The following RABGEF1 variants were observed in gnomAD, a reference collection of about 807,000 sequenced individuals.
RABGEF1 encodes the protein RAB guanine nucleotide exchange factor 1.
In RABGEF1, 26 loss-of-function variants were observed where a neutral mutation model predicts 57.3. That is an observed-to-expected ratio of 0.45 (90% CI 0.33 to 0.63). The LOEUF is 0.63. Among genes scored for constraint, RABGEF1 ranks in the 20% least tolerant of loss-of-function variants. RABGEF1 has a pLI of 0.02. For synonymous variants in RABGEF1, 185 were observed against 210.7 expected (o/e 0.88, Z 1.06); for missense variants, 464 against 607.6 (o/e 0.76, Z 2.48).
At chr7:66,691,420 A>G (rs1791496554) in intron 1 of RABGEF1, among the ~76,000 whole-genome samples, 3 of 152,224 alleles carry the variant, frequency 2.0e-5, no homozygotes, top group East Asian at 1.9e-4. Flanking sequence ...GTATATCCAT[A>G]TAGTGGGATA....
chr7:66,787,714 G>A (rs1468600299), intron 4 of RABGEF1, among the ~76,000 whole-genome samples: 1 of 152,158 alleles, frequency 6.6e-6, no homozygotes, highest in South Asian at 2.1e-4. Flanking sequence ...GGATTCAGGA[G>A]TATATATAGT....
At chr7:66,753,110 G>C (rs1179287580) in intron 1 of RABGEF1, among the ~76,000 whole-genome samples, 1 of 152,230 alleles carries the variant, frequency 6.6e-6, no homozygotes, top group African/African-American at 2.4e-5. Context: ...TACCCTGTCA[G>C]TGGGGAAGTT....
intron 1 of RABGEF1, among the ~76,000 whole-genome samples, chr7:66,758,066 A>G (rs1422890876): frequency 6.6e-6 from 1 of 152,188 alleles, no homozygotes; most frequent in Non-Finnish European, 1.5e-5. Flanking sequence ...TCGTTTTACT[A>G]GAATTGATTG....
chr7:66,711,760 G>A (rs568193783), intron 1 of RABGEF1, among the ~76,000 whole-genome samples: 18 of 152,016 alleles, frequency 1.2e-4, no homozygotes, highest in African/African-American at 4.3e-4. Flanking sequence ...CTAATTTTTT[G>A]TATTTTTAGT....
intron 7 of RABGEF1, among the ~76,000 whole-genome samples, chr7:66,800,041 CT>C (rs1431097085): frequency 6.6e-6 from 1 of 152,022 alleles, no homozygotes; most frequent in Non-Finnish European, 1.5e-5. Context: ...AAAAAAAAAT[CT>C]TAATGGAGAG....
chr7:66,661,854 A>T, the RABGEF1 span, among the ~76,000 whole-genome samples: 1 of 152,226 alleles, frequency 6.6e-6, no homozygotes, highest in Non-Finnish European at 1.5e-5. Flanking sequence ...AACATTGGTT[A>T]AAAAATTCTT....
At chr7:66,795,655 G>C (rs1813855473) in intron 5 of RABGEF1, 63 bp downstream of exon 5, 2 of 1,432,590 alleles carry the variant, frequency 1.4e-6, no homozygotes, top group Non-Finnish European at 2.0e-6. Flanking sequence ...CAGTCTCTTA[G>C]CAATTTCTTT....
upstream of RABGEF1, among the ~76,000 whole-genome samples, chr7:66,738,015 T>G (rs1009160961): frequency 1.5e-4 from 19 of 128,312 alleles, no homozygotes; most frequent in African/African-American, 4.3e-4. Context: ...GTGTTTTTTG[T>G]TTTTTTTGTT....
At chr7:66,698,992 C>T (rs982314915) in intron 1 of RABGEF1, among the ~76,000 whole-genome samples, 2 of 152,196 alleles carry the variant, frequency 1.3e-5, no homozygotes, top group African/African-American at 4.8e-5. Flanking sequence ...TGAGTCCAGC[C>T]CGTCCTTCAG....
chr7:66,656,550 G>T, the RABGEF1 span, among the ~76,000 whole-genome samples: 5 of 152,136 alleles, frequency 3.3e-5, no homozygotes, highest in Non-Finnish European at 7.4e-5. Flanking sequence ...GGCTGGGCGT[G>T]GTGGCTCATG....
chr7:66,694,565 T>C (rs1334197025), intron 1 of RABGEF1, among the ~76,000 whole-genome samples: 1 of 152,154 alleles, frequency 6.6e-6, no homozygotes, highest in Non-Finnish European at 1.5e-5. Flanking sequence ...GAGAAGGAGT[T>C]CATGCAAGCC....
intron 1 of RABGEF1, chr7:66,682,304 CTTGGG>C (rs1789868966): frequency 6.4e-6 from 1 of 157,336 alleles, no homozygotes; most frequent in Non-Finnish European, 1.5e-5. Context: ...GGCGGGGCAT[CTTGGG>C]CCGGGGGTGG....
rs1317444424 is a variant in RABGEF1, at chr7:66,792,154, T to C, written c.514-3357T>C. Among the ~76,000 whole-genome samples the C allele has an allele frequency of 6.6e-5, 10 of 151,826 alleles. No homozygotes were observed. The East Asian group carries it at 1.7e-3, about 26-fold the overall frequency. ...TTATAGAAAAGATGATCCCGTACAATGATTAGAGAGTACTTGAGGTAAAGG... is the reference window on the plus strand; with the variant it reads ...TTATAGAAAAGATGATCCCGTACAACGATTAGAGAGTACTTGAGGTAAAGG... On this transcript the variant is annotated intron_variant, in intron 4 of 8. Transcript: ENST00000284957.
intron 1 of RABGEF1, among the ~76,000 whole-genome samples, chr7:66,695,875 A>G (rs1398562669): frequency 6.6e-6 from 1 of 151,774 alleles, no homozygotes; most frequent in African/African-American, 2.4e-5. Context: ...CTGACGCAGG[A>G]GTATCACTTA....
chr7:66,734,431 T>C (rs1242144924), intron 2 of RABGEF1, among the ~76,000 whole-genome samples: 1 of 152,142 alleles, frequency 6.6e-6, no homozygotes, highest in Non-Finnish European at 1.5e-5. Context: ...CATCATTCCC[T>C]GCCAGGGTAG....
At chr7:66,796,030 G>A (rs1350150030) in intron 5 of RABGEF1, among the ~76,000 whole-genome samples, 7 of 152,140 alleles carry the variant, frequency 4.6e-5, no homozygotes, top group African/African-American at 1.2e-4. Context: ...CCAGCTACTC[G>A]GGAGGCCGAG....
chr7:66,670,636 G>C, the RABGEF1 span, among the ~76,000 whole-genome samples: 1 of 151,940 alleles, frequency 6.6e-6, no homozygotes, highest in East Asian at 1.9e-4. Flanking sequence ...CTTGAGGCCA[G>C]GGGTTCAAGA....
intron 1 of RABGEF1, among the ~76,000 whole-genome samples, chr7:66,698,638 C>T (rs1203710745): frequency 6.6e-6 from 1 of 152,124 alleles, no homozygotes; most frequent in Non-Finnish European, 1.5e-5. Flanking sequence ...CTCCCCACTC[C>T]CTGCAAGGCT....
At chr7:66,735,820 A>C (rs1190694645), upstream of RABGEF1, among the ~76,000 whole-genome samples, 1 of 152,114 alleles carries the variant, frequency 6.6e-6, no homozygotes, top group Non-Finnish European at 1.5e-5. Flanking sequence ...GAGCCAATTA[A>C]ACCTCTTTCC....
Sources: gnomAD v4.1 joint callset for allele counts (sites outside exome capture counted in the v4.1 genomes callset) on GRCh38, gnomAD v4.1.1 for gene constraint, MANE v1.5 for transcripts, NCBI Gene and HGNC (gene_info 2026-07-23, HGNC 2026-07-21) for gene names.